The following FAT1 variants were observed in gnomAD, a reference collection of about 807,000 sequenced individuals.
The protein encoded by FAT1 is FAT atypical cadherin 1, also known as protocadherin Fat 1.
FAT1 carries 171 observed loss-of-function variants against 329.8 expected under a neutral mutation model. The ratio of observed to expected loss-of-function variants is 0.52; its 90% CI spans 0.46 to 0.59. The LOEUF (loss-of-function observed/expected upper bound fraction) is 0.59. Among genes scored for constraint, FAT1 ranks in the 20% least tolerant of loss-of-function variants. The probability of loss-of-function intolerance (pLI) is 0.00; values close to 1 mark genes in which losing one functional copy is unlikely to be tolerated. For missense variants in FAT1, 5,672 were observed against 5,774.4 expected, an observed-to-expected ratio of 0.98 and a Z score of 0.57; for synonymous variants, 2,233 against 2,228.6, an observed-to-expected ratio of 1.00 and a Z score of -0.06.
rs760521419 is a variant in FAT1, at chr4:186,596,836, G to A, written c.12704C>T (p.Ser4235Phe). ...TGAGTAAATGTTCTTATTTAGCTTG[G>A]AATCAAAATACGGTCTTTGCAAGAA... ...TAFLQRPYFDSKLNKNIYSDI... is the reference protein window; with the variant it reads ...TAFLQRPYFDFKLNKNIYSDI... The change falls in exon 25 of 27, where the codon TCC becomes TTC. Residue 4235 changes from serine (S) to phenylalanine (F), a missense_variant. By Grantham distance (155) the Ser-to-Phe change is radical. This residue lies in a region of FAT1 where 1,706 missense variants were observed against 1,859.1 expected (regional missense o/e 0.92). Coordinates refer to ENST00000441802, the MANE Select transcript of FAT1 (RefSeq NM_005245.4). This position sits in a 1 kb window ranked among gnomAD's most constrained non-coding sequence, Gnocchi z 4.7. 3 of 1,613,980 alleles carry A rather than the reference G, an allele frequency of 1.9e-6. No homozygotes were observed. Among genetic ancestry groups the A allele is most frequent in the South Asian group, 1.1e-5 (1 of 91,074 alleles).
intron 1 of FAT1, among the ~76,000 whole-genome samples, chr4:186,721,130 A>C (rs527563796): frequency 1.3e-5 from 2 of 152,380 alleles, no homozygotes; most frequent in South Asian, 4.1e-4. Context: ...TTTCCTAAGC[A>C]GTGTATAGAA....
chr4:186,663,575 T>G lies in FAT1; in HGVS notation c.3304A>C (p.Thr1102Pro), dbSNP rs1742286577. The G allele has an allele frequency of 3.1e-6, 5 of 1,611,130 alleles. No individual in the cohort carries two copies. Among genetic ancestry groups the G allele is most frequent in the Admixed American group, 3.3e-5 (2 of 59,980 alleles). Residue 1102 changes from threonine to proline, a missense_variant, in exon 3 of 27, where the codon ACC becomes CCC. Physicochemically the swap from Thr to Pro is conservative, Grantham distance 38. Around this residue, in one of 2 missense-constraint regions of FAT1, gnomAD observed 3,966 missense variants for 3,915.2 expected, o/e 1.01. Transcript: ENST00000441802. ...AAGACTGTTAGCCAATAATGGGAGG[T>G]CGATTCACGGTCCAGTCGATCTGAC... Reference protein sequence around the residue: ...ETSDRLDRESTSHYWLTVFAT... With the variant: ...ETSDRLDRESPSHYWLTVFAT...
chr4:186,645,783 T>C (rs1215586127), intron 3 of FAT1, among the ~76,000 whole-genome samples: 2 of 151,304 alleles, frequency 1.3e-5, no homozygotes, highest in Non-Finnish European at 3.0e-5. Flanking sequence ...CCATCTCTAC[T>C]AAAAATTCAA....
rs374843828 is a variant in FAT1 at position 186,708,867 on chromosome 4, C to G, written c.961G>C (p.Gly321Arg). ...GGATGACTGTCCCAATCAATGCCACCGATGGCTTTGACTTTATACTCCTTA... is the reference window on the plus strand; with the variant it reads ...GGATGACTGTCCCAATCAATGCCACGGATGGCTTTGACTTTATACTCCTTA... ...GSKEYKVKAI[G>R]GIDWDSHPFG... Residue 321 changes from glycine (G) to arginine (R), a missense_variant, in exon 2 of 27, where the codon GGT becomes CGT. Transcript: ENST00000441802. 1.2e-5 allele frequency: 19 copies of G among 1,613,822 alleles called. No individual in the cohort carries two copies. Among genetic ancestry groups the G allele is most frequent in the Admixed American group, 3.3e-5 (2 of 60,004 alleles).
At chr4:186,589,673 G>A (rs1395185316) in intron 26 of FAT1, among the ~76,000 whole-genome samples, 2 of 152,020 alleles carry the variant, frequency 1.3e-5, no homozygotes, top group African/African-American at 4.8e-5. Context: ...AAAAAATACT[G>A]ATTAATGCAA....
In FAT1 at chr4:186,603,610, A is replaced by C. The variant is rs2126430675; in HGVS notation, c.10916T>G (p.Leu3639Trp). ...AAAGCGGATCGCGATGGTGTGGTTC[A>C]ACATCTCCTGTGTGACTTGTCTGAT... Reference protein sequence around the residue: ...VHIRQVTQEMLNHTIAIRFAN... With the variant: ...VHIRQVTQEMWNHTIAIRFAN... The change falls in exon 19 of 27, where the codon TTG becomes TGG. Residue 3639 changes from leucine to tryptophan, a missense_variant. Leu to Trp is a moderately conservative substitution (Grantham distance 61). Transcript: ENST00000441802. 1.2e-6 allele frequency: 2 copies of C among 1,613,984 alleles called. No homozygotes were observed. Among genetic ancestry groups the C allele is most frequent in the Non-Finnish European group, 1.7e-6 (2 of 1,179,888 alleles).
chr4:186,693,868 TCTAAC>T (rs1743909272), intron 2 of FAT1, among the ~76,000 whole-genome samples: 1 of 152,200 alleles, frequency 6.6e-6, no homozygotes, highest in African/African-American at 2.4e-5. Flanking sequence ...ATGTATTTCA[TCTAAC>T]CTAACAGCCA....
At chr4:186,716,126 C>A (rs1450847581) in intron 1 of FAT1, among the ~76,000 whole-genome samples, 1 of 152,108 alleles carries the variant, frequency 6.6e-6, no homozygotes, top group Non-Finnish European at 1.5e-5. Context: ...ACACAATGCA[C>A]CAATTCTGTT....
intron 2 of FAT1, among the ~76,000 whole-genome samples, chr4:186,682,568 T>G (rs1743280627): frequency 6.8e-6 from 1 of 146,054 alleles, no homozygotes; most frequent in African/African-American, 2.6e-5. Context: ...GTTTCTAACA[T>G]GATGCGTATG....
At position 186,648,826 on chromosome 4, in the gene FAT1, G is replaced by A. The variant is rs573501548; in HGVS notation, c.3581-9043C>T. On this transcript the variant is annotated intron_variant, in intron 3 of 26. Transcript: ENST00000441802. Reference sequence around the variant, plus strand: ...CTCTCCACTCATGAGGACCCAGCCTGTACCATCTCATGAAGGTTTCCCGGT... The same window carrying A: ...CTCTCCACTCATGAGGACCCAGCCTATACCATCTCATGAAGGTTTCCCGGT... Among the ~76,000 whole-genome samples, 3 of 152,224 alleles carry A rather than the reference G, an allele frequency of 2.0e-5. No individual in the cohort carries two copies. The South Asian group carries it at 6.2e-4, about 32-fold the overall frequency.
intron 2 of FAT1, among the ~76,000 whole-genome samples, chr4:186,674,775 T>C (rs1742876780): frequency 6.6e-6 from 1 of 152,220 alleles, no homozygotes; most frequent in South Asian, 2.1e-4. Context: ...GGTTCACACC[T>C]GTAATCCCAA....
At chr4:186,723,457 C>G (rs1391071653) in intron 1 of FAT1, among the ~76,000 whole-genome samples, 2 of 152,216 alleles carry the variant, frequency 1.3e-5, no homozygotes, top group Non-Finnish European at 2.9e-5. Flanking sequence ...CCTTTTCCCG[C>G]TCCGCCGCCG....
At position 186,618,028 on chromosome 4, in the gene FAT1, C is replaced by T. The variant is rs771064453; in HGVS notation, c.8558G>A (p.Ser2853Asn). The T allele has an allele frequency of 6.2e-7, 1 of 1,614,034 alleles. No homozygotes were observed. Among genetic ancestry groups the T allele is most frequent in the Non-Finnish European group, 8.5e-7 (1 of 1,179,896 alleles). ...GGCAAAGGATTCAATGACTTCCACA[C>T]TTTGTGACTGATCCAGGCTATACAT... ...QVMYSLDQSQ[S>N]VEVIESFAIN... The change falls in exon 10 of 27, where the codon AGT becomes AAT. Residue 2853 changes from serine to asparagine, a missense_variant. Ser to Asn is a conservative substitution (Grantham distance 46). Transcript: ENST00000441802.
chr4:186,645,380 T>C (rs1579379408), intron 3 of FAT1, among the ~76,000 whole-genome samples: 4 of 49,058 alleles, frequency 8.2e-5, no homozygotes, highest in Admixed American at 1.7e-4. Context: ...TATATATATA[T>C]ATATATATAT....
intron 3 of FAT1, among the ~76,000 whole-genome samples, chr4:186,662,884 T>C (rs2126615550): frequency 6.6e-6 from 1 of 152,206 alleles, no homozygotes; most frequent in Non-Finnish European, 1.5e-5. Flanking sequence ...TCGCCCAGGC[T>C]GGAGTGCAGT....
rs74424517 is a variant in FAT1 at position 186,606,160 on chromosome 4, T to C, written c.10260A>G (p.Arg3420=). 15,812 of 1,612,322 alleles carry C rather than the reference T, an allele frequency of 9.8e-3. 118 individuals are homozygous for C. The highest frequency in any genetic ancestry group is 0.012 in the Non-Finnish European group (13,667 of 1,179,480). ...CGATGTTCACGGTCGTCGTGTTGAC[T>C]CTGGGTGGACTGCCATTATCAGAAG... ...VQASDNGSPP[R]VNTTTVNIDV... The change falls in exon 17 of 27, where the codon AGA becomes AGG. Residue 3420 remains arginine, a synonymous_variant. Transcript: ENST00000441802.
At chr4:186,652,922 C>T (rs1741733905) in intron 3 of FAT1, among the ~76,000 whole-genome samples, 1 of 152,212 alleles carries the variant, frequency 6.6e-6, no homozygotes, top group African/African-American at 2.4e-5. Context: ...GATTACCACA[C>T]ATAAACTATA....
At chr4:186,595,260 C>T (rs1738443041) in intron 26 of FAT1, among the ~76,000 whole-genome samples, 1 of 151,870 alleles carries the variant, frequency 6.6e-6, no homozygotes, top group Non-Finnish European at 1.5e-5. Flanking sequence ...CTACTGAAAT[C>T]GAACATTTCA....
chr4:186,606,980 T>C (rs1229171018), intron 16 of FAT1, among the ~76,000 whole-genome samples: 1 of 152,230 alleles, frequency 6.6e-6, no homozygotes, highest in Non-Finnish European at 1.5e-5. Context: ...TATCTCACAA[T>C]GGACAGAAGT....
Sources: allele counts gnomAD v4.1 joint callset (sites outside exome capture counted in the v4.1 genomes callset), GRCh38; gene constraint gnomAD v4.1.1; regional missense constraint gnomAD v4.1.1; non-coding constraint Gnocchi (gnomAD v3.1); transcripts MANE v1.5; gene names NCBI Gene and HGNC (gene_info 2026-07-23, HGNC 2026-07-21).